GSE1: variants seen among roughly 807,000 people sequenced by gnomAD.
GSE1 encodes the protein genetic suppressor element 1.
Under a neutral mutation model 112.6 loss-of-function variants are expected in GSE1, and 32 were observed. That is an observed-to-expected ratio of 0.28 (90% CI 0.21 to 0.38). The LOEUF (loss-of-function observed/expected upper bound fraction) is 0.38. Among genes scored for constraint, GSE1 ranks in the 10% least tolerant of loss-of-function variants. The probability of loss-of-function intolerance (pLI) is 1.00; values close to 1 mark genes in which losing one functional copy is unlikely to be tolerated. For missense variants in GSE1, 2,348 were observed against 1,699.2 expected (o/e 1.38, Z -6.71); for synonymous variants, 1,115 against 735.6 (o/e 1.52, Z -8.35).
chr16:85,618,626 A>C (rs1462713540), intron 1 of GSE1, among the ~76,000 whole-genome samples: 1 of 152,252 alleles, frequency 6.6e-6, no homozygotes, highest in Non-Finnish European at 1.5e-5. Flanking sequence ...AGCACCTGAC[A>C]CAGGCTCTGC....
intron 2 of GSE1, among the ~76,000 whole-genome samples, chr16:85,370,886 C>G (rs2047284090): frequency 6.6e-6 from 1 of 152,236 alleles, no homozygotes; most frequent in Admixed American, 6.5e-5. Flanking sequence ...GCCGCAGCTC[C>G]CAGCTCCCAC....
intron 1 of GSE1, among the ~76,000 whole-genome samples, chr16:85,293,407 G>T (rs1459072488): frequency 6.6e-6 from 1 of 152,104 alleles, no homozygotes; most frequent in African/African-American, 2.4e-5. Flanking sequence ...TCAGCTGGGC[G>T]TGGTGGTGTG....
chr16:85,447,566 A>G (rs1463762209), intron 2 of GSE1, among the ~76,000 whole-genome samples: 1 of 152,132 alleles, frequency 6.6e-6, no homozygotes, highest in African/African-American at 2.4e-5. Flanking sequence ...TGTCACCATC[A>G]TGGGCCAGGC....
chr16:85,570,012 C>T (rs548210306), intron 1 of GSE1, among the ~76,000 whole-genome samples: 42 of 152,184 alleles, frequency 2.8e-4, no homozygotes, highest in Non-Finnish European at 5.4e-4. Context: ...TGGTGGCTTC[C>T]GGGATTAGAG....
chr16:85,508,009 C>T (rs1306047136), intron 2 of GSE1, among the ~76,000 whole-genome samples: 1 of 152,136 alleles, frequency 6.6e-6, no homozygotes, highest in East Asian at 1.9e-4. Context: ...CCGAGGTGGC[C>T]AGTGCCCCGA....
intron 1 of GSE1, among the ~76,000 whole-genome samples, chr16:85,290,779 A>G (rs554937267): frequency 3.4e-4 from 52 of 151,058 alleles, no homozygotes; most frequent in Non-Finnish European, 6.6e-4. Flanking sequence ...TCACCTTGTC[A>G]TGCTGACCAG....
chr16:85,630,008 A>G (rs777623398), intron 1 of GSE1, among the ~76,000 whole-genome samples: 74 of 152,064 alleles, frequency 4.9e-4, no homozygotes, highest in Non-Finnish European at 8.1e-4. Context: ...AGCCTACTTG[A>G]GATGTTGGCT....
upstream of GSE1, among the ~76,000 whole-genome samples, chr16:85,611,110 C>T (rs916531816): frequency 6.6e-6 from 1 of 152,240 alleles, no homozygotes; most frequent in African/African-American, 2.4e-5. Flanking sequence ...TAGGTGTCTA[C>T]CCGGCCAGGT....
At chr16:85,524,827 C>T (rs1057296788) in intron 2 of GSE1, among the ~76,000 whole-genome samples, 1 of 152,158 alleles carries the variant, frequency 6.6e-6, no homozygotes, top group Non-Finnish European at 1.5e-5. Context: ...GAAACTGAGG[C>T]AGCCGGTCCA....
Position 85,571,415 on chromosome 16 carries a change from C to T in GSE1, c.37+15052C>T, listed in dbSNP as rs116957613. Among the ~76,000 whole-genome samples the T allele has an allele frequency of 1.3e-3, 199 of 152,374 alleles. 3 individuals are homozygous for T. In the East Asian group the frequency reaches 0.025, roughly 19 times the overall value. On this transcript the variant is annotated intron_variant, in intron 1 of 2. Transcript: ENST00000635906. ...CTCCATCTTGAGCCCCCAACAGCCA[C>T]GTGCGGATGGAGGCTGCTCAGTCGG...
chr16:85,314,858 C>G (rs1031145686), intron 1 of GSE1, among the ~76,000 whole-genome samples: 6 of 152,166 alleles, frequency 3.9e-5, no homozygotes, highest in African/African-American at 1.4e-4. Flanking sequence ...ACAGAACCAT[C>G]CTGGGACCCT....
At position 85,672,523 on chromosome 16, in the gene GSE1, A is replaced by C. The variant is rs746292146; in HGVS notation, c.3638A>C (p.Lys1213Thr). 3 of 1,608,130 alleles carry C rather than the reference A, an allele frequency of 1.9e-6. No individual in the cohort carries two copies. The Admixed American group carries it at 5.0e-5, about 27-fold the overall frequency. The change falls in exon 16 of 16, where the codon AAG (lysine) becomes ACG (threonine). Residue 1213 changes from lysine to threonine, a missense_variant. By Grantham distance (78) the Lys-to-Thr change is moderately conservative. Transcript: ENST00000253458. ...ATGCACTGGCCTAGGGGCTACCTGA[A>C]GGGATATCCCAGGTGACGGTTTCCC... ...PAMHWPRGYL[K>T]GYPR
chr16:85,541,824 T>C (rs1258503974), intron 2 of GSE1, among the ~76,000 whole-genome samples: 3 of 152,232 alleles, frequency 2.0e-5, no homozygotes, highest in Non-Finnish European at 2.9e-5. Flanking sequence ...CTGCTTGTCC[T>C]TGGTGTGACC....
intron 1 of GSE1, among the ~76,000 whole-genome samples, chr16:85,224,905 A>G (rs1052147796): frequency 2.6e-5 from 4 of 151,434 alleles, no homozygotes; most frequent in Non-Finnish European, 2.9e-5. Flanking sequence ...CGAGATGGGC[A>G]GATCACGAGG....
At chr16:85,520,442 T>C (rs2052144375) in intron 2 of GSE1, among the ~76,000 whole-genome samples, 2 of 150,716 alleles carry the variant, frequency 1.3e-5, no homozygotes, top group African/African-American at 4.9e-5. Flanking sequence ...TTTTTTTTTC[T>C]TTTTTTGAGA....
chr16:85,344,181 G>A lies in GSE1; in HGVS notation c.2284-13282G>A, dbSNP rs547913179. ...CACTAATGGACATGGGGTGGGATGC[G>A]GCCAGCCCTGCCCGGCGGGGGAGCT... On this transcript the variant is annotated intron_variant, in intron 1 of 2. Transcript: ENST00000637419. 5.3e-5 allele frequency among the ~76,000 whole-genome samples: 8 copies of A among 152,154 alleles called. No homozygotes were observed. In the East Asian group the frequency reaches 5.8e-4, roughly 11 times the overall value.
chr16:85,183,124 C>A (rs2074627798), intron 1 of GSE1, among the ~76,000 whole-genome samples: 1 of 152,314 alleles, frequency 6.6e-6, no homozygotes, highest in Admixed American at 6.5e-5. Flanking sequence ...TACCCTCACC[C>A]CCTCACCGCC....
At chr16:85,553,973 C>T (rs2045067878), upstream of GSE1, among the ~76,000 whole-genome samples, 1 of 152,200 alleles carries the variant, frequency 6.6e-6, no homozygotes, top group Admixed American at 6.5e-5. Context: ...CGGTGCCCCG[C>T]CGTGTGTACC....
intron 1 of GSE1, among the ~76,000 whole-genome samples, chr16:85,238,974 C>G (rs866533949): frequency 3.3e-5 from 5 of 152,272 alleles, no homozygotes; most frequent in Admixed American, 6.5e-5. Flanking sequence ...CTTGCTCACA[C>G]TGGAGTGCAG....
Sources: allele counts gnomAD v4.1 joint callset (sites outside exome capture counted in the v4.1 genomes callset), GRCh38; gene constraint gnomAD v4.1.1; transcripts MANE v1.5; gene names NCBI Gene and HGNC (gene_info 2026-07-23, HGNC 2026-07-21).